KIAA0825: variants seen among roughly 807,000 people sequenced by gnomAD.
KIAA0825 encodes the protein uncharacterized protein KIAA0825.
A neutral mutation model predicts 147.6 loss-of-function variants in KIAA0825; 119 were observed. The ratio of observed to expected loss-of-function variants is 0.81; its 90% CI spans 0.69 to 0.94. The LOEUF is 0.94. KIAA0825 is among the 40% of genes least tolerant of loss of function. The pLI, the probability that KIAA0825 is intolerant of heterozygous loss-of-function variation, is 0.00. For synonymous variants in KIAA0825, 470 were observed against 518.1 expected, an observed-to-expected ratio of 0.91 and a Z score of 1.26; for missense variants, 1,381 against 1,472.7, an observed-to-expected ratio of 0.94 and a Z score of 1.02.
At chr5:94,275,587 A>G (rs748531907) in intron 20 of KIAA0825, among the ~76,000 whole-genome samples, 3 of 152,150 alleles carry the variant, frequency 2.0e-5, no homozygotes, top group Non-Finnish European at 2.9e-5. Flanking sequence ...TGTTGAATGA[A>G]TGAATGAATG....
At chr5:94,201,339 G>A (rs2150023845) in intron 20 of KIAA0825, among the ~76,000 whole-genome samples, 1 of 151,896 alleles carries the variant, frequency 6.6e-6, no homozygotes, top group Middle Eastern at 3.4e-3. Context: ...AAAATGCAGT[G>A]GGGCCTCAGT....
intron 14 of KIAA0825, among the ~76,000 whole-genome samples, chr5:94,437,098 A>G (rs1210680723): frequency 1.3e-5 from 2 of 152,194 alleles, no homozygotes; most frequent in African/African-American, 4.8e-5. Flanking sequence ...ATTTTGCTCT[A>G]AAATTTTGCT....
In KIAA0825 at chr5:94,358,493, TC is replaced by T. The variant is rs1352949838; in HGVS notation, c.3710+25874del. Among the ~76,000 whole-genome samples the T allele has an allele frequency of 2.6e-5, 4 of 152,350 alleles. No individual in the cohort carries two copies. The East Asian group carries it at 7.7e-4, about 29-fold the overall frequency. On this transcript the variant is annotated intron_variant, in intron 20 of 20. Coordinates refer to ENST00000682413, the MANE Select transcript of KIAA0825 (RefSeq NM_001145678.3). ...TGAATTTCCAAAACATCAATAATAT[TC>T]AAATAAATACTAAAATTCATTTTAA... is the stretch of plus-strand genomic sequence containing the variant.
chr5:94,514,663 A>G (rs1562578619), intron 5 of KIAA0825, among the ~76,000 whole-genome samples: 1 of 152,312 alleles, frequency 6.6e-6, no homozygotes, highest in East Asian at 1.9e-4. Flanking sequence ...TGGCTTCAGT[A>G]TACTTTTTCT....
intron 20 of KIAA0825, among the ~76,000 whole-genome samples, chr5:94,154,755 C>T (rs1427420617): frequency 6.6e-6 from 1 of 152,206 alleles, no homozygotes; most frequent in Non-Finnish European, 1.5e-5. Context: ...ATCTTAGACT[C>T]TCAACCTACA....
chr5:94,409,173 G>A (rs898330609), intron 15 of KIAA0825, among the ~76,000 whole-genome samples: 1 of 152,124 alleles, frequency 6.6e-6, no homozygotes, highest in South Asian at 2.1e-4. Context: ...TATGTGTCTA[G>A]TGGGCTTGTT....
intron 1 of KIAA0825, among the ~76,000 whole-genome samples, chr5:94,608,332 G>A (rs950378897): frequency 2.3e-5 from 3 of 133,054 alleles, no homozygotes; most frequent in African/African-American, 8.6e-5. Context: ...TGCAATATCC[G>A]CTCACTGCAA....
chr5:94,236,394 G>T (rs1775040419), intron 20 of KIAA0825, among the ~76,000 whole-genome samples: 1 of 152,188 alleles, frequency 6.6e-6, no homozygotes, highest in African/African-American at 2.4e-5. Context: ...GTGAATTGCT[G>T]CAATCTCATG....
At chr5:94,398,909 C>A (rs1751019058) in intron 16 of KIAA0825, among the ~76,000 whole-genome samples, 1 of 152,092 alleles carries the variant, frequency 6.6e-6, no homozygotes, top group Non-Finnish European at 1.5e-5. Flanking sequence ...AAAAGTCACT[C>A]TGTTCCAAAA....
At chr5:94,567,082 A>G (rs1305336285) in intron 2 of KIAA0825, among the ~76,000 whole-genome samples, 1 of 152,188 alleles carries the variant, frequency 6.6e-6, no homozygotes, top group Non-Finnish European at 1.5e-5. Context: ...ATCTCTATCA[A>G]AAGATTTTCC....
intron 20 of KIAA0825, among the ~76,000 whole-genome samples, chr5:94,248,680 A>T (rs898757172): frequency 1.3e-5 from 2 of 152,132 alleles, no homozygotes; most frequent in Non-Finnish European, 2.9e-5. Context: ...ACTGGCAGAA[A>T]GACCTTGCTG....
Position 94,199,711 on chromosome 5 carries a change from G to C in KIAA0825, c.3711-45587C>G, listed in dbSNP as rs1349601049. 2.0e-5 allele frequency among the ~76,000 whole-genome samples: 3 copies of C among 152,216 alleles called. 1 individual carries two copies. The highest frequency in any genetic ancestry group is 7.2e-5 in the African/African-American group (3 of 41,460). On this transcript the variant is annotated intron_variant, in intron 20 of 20. Coordinates refer to ENST00000682413, the MANE Select transcript of KIAA0825 (RefSeq NM_001145678.3). ...GCAGCACTCATGTGCTGGTGGGATG[G>C]TGGGAGGAGCCTGTGGGTGAGTACA...
At chr5:94,612,276 TA>T (rs1789045258) in intron 1 of KIAA0825, among the ~76,000 whole-genome samples, 1 of 152,206 alleles carries the variant, frequency 6.6e-6, no homozygotes, top group Non-Finnish European at 1.5e-5. Flanking sequence ...AATGTATTTG[TA>T]AGTTTTAGCA....
chr5:94,386,564 AG>A (rs142031927), intron 18 of KIAA0825, among the ~76,000 whole-genome samples, 160 bp from the exon 19 acceptor site: 4,576 of 152,280 alleles, frequency 0.03, 206 homozygotes, highest in African/African-American at 0.1. Context: ...TACATAGTAG[AG>A]TACCAATCAG....
At chr5:94,542,668 A>G (rs1261227531) in intron 2 of KIAA0825, among the ~76,000 whole-genome samples, 2 of 152,054 alleles carry the variant, frequency 1.3e-5, no homozygotes, top group Non-Finnish European at 2.9e-5. Flanking sequence ...TTAGCCGAGC[A>G]TGATGGTGGG....
chr5:94,582,900 C>T (rs79576387), intron 1 of KIAA0825, among the ~76,000 whole-genome samples: 1,855 of 152,234 alleles, frequency 0.012, 35 homozygotes, highest in African/African-American at 0.042. Flanking sequence ...AAGAGAGTAA[C>T]GTGTGGTTGC....
chr5:94,322,367 G>C (rs998419672), intron 20 of KIAA0825, among the ~76,000 whole-genome samples: 2 of 151,686 alleles, frequency 1.3e-5, no homozygotes, highest in Non-Finnish European at 2.9e-5. Context: ...ATAATAGTTT[G>C]CAATAGGGCA....
At chr5:94,215,039 T>C (rs900820064) in intron 20 of KIAA0825, among the ~76,000 whole-genome samples, 9 of 152,196 alleles carry the variant, frequency 5.9e-5, no homozygotes, top group African/African-American at 2.2e-4. Flanking sequence ...AGCAGCCAAG[T>C]TTTTTTAAAG....
At chr5:94,172,442 A>G (rs189623795) in intron 20 of KIAA0825, among the ~76,000 whole-genome samples, 1 of 152,360 alleles carries the variant, frequency 6.6e-6, no homozygotes, top group East Asian at 1.9e-4. Context: ...ACTAAGTATT[A>G]GTTATTCATT....
Sources: allele counts gnomAD v4.1 joint callset (sites outside exome capture counted in the v4.1 genomes callset), GRCh38; gene constraint gnomAD v4.1.1; transcripts MANE v1.5; gene names NCBI Gene and HGNC (gene_info 2026-07-23, HGNC 2026-07-21).